ANXA6: variants seen among roughly 807,000 people sequenced by gnomAD.
The protein encoded by ANXA6 is annexin A6.
In ANXA6, 71 loss-of-function variants were observed where a neutral mutation model predicts 95.4. The observed-to-expected ratio is 0.74, with a 90% CI of 0.61 to 0.91. The LOEUF is 0.91. Among genes scored for constraint, ANXA6 ranks in the 40% least tolerant of loss-of-function variants. The pLI, the probability that ANXA6 is intolerant of heterozygous loss-of-function variation, is 0.00. For missense variants in ANXA6, 830 were observed against 876.4 expected (o/e 0.95, Z 0.67); for synonymous variants, 289 against 315.9 (o/e 0.91, Z 0.90).
In ANXA6 at chr5:151,128,237, A is replaced by G. The variant is rs770966043; in HGVS notation, c.921T>C (p.Asn307=). The G allele has an allele frequency of 1.2e-6, 2 of 1,610,186 alleles. No homozygotes were observed. The highest frequency in any genetic ancestry group is 1.7e-6 in the Non-Finnish European group (2 of 1,178,542). The change falls in exon 13 of 26, where the codon AAT becomes AAC. Residue 307 remains asparagine, a splice_region_variant and synonymous_variant. Coordinates refer to ENST00000354546, the MANE Select transcript of ANXA6 (RefSeq NM_001155.5). ...YEKSLYSMIK[N]DTSGEYKKTL... ...TCTTCTTGTACTCGCCAGAGGTGTC[A>G]TTCTGAAGAGAAAGAAAGAAAGGTT...
At chr5:151,138,601 G>A in intron 5 of ANXA6, 77 bp downstream of exon 5, 1 of 1,023,062 alleles carries the variant, frequency 9.8e-7, no homozygotes, top group Non-Finnish European at 1.5e-6. Context: ...GGGCTCACCA[G>A]TTGCTTTTGG....
intron 10 of ANXA6, among the ~76,000 whole-genome samples, chr5:151,131,806 C>G (rs1404195236): frequency 1.3e-5 from 2 of 152,128 alleles, no homozygotes; most frequent in East Asian, 3.9e-4. Context: ...CTCAGACATG[C>G]TAACTGCTGG....
intron 2 of ANXA6, among the ~76,000 whole-genome samples, chr5:151,142,911 T>C (rs1765875638): frequency 6.6e-6 from 1 of 152,202 alleles, no homozygotes; most frequent in South Asian, 2.1e-4. Context: ...CTCTGCAGGC[T>C]AGCCTGTTGC....
chr5:151,106,772 C>G (rs113330183), intron 23 of ANXA6, among the ~76,000 whole-genome samples: 1 of 152,174 alleles, frequency 6.6e-6, no homozygotes, highest in African/African-American at 2.4e-5. Flanking sequence ...CTAAGAAGCA[C>G]GCTGGGCAGA....
intron 17 of ANXA6, among the ~76,000 whole-genome samples, chr5:151,121,565 G>A (rs974590895): frequency 9.2e-5 from 14 of 152,188 alleles, no homozygotes; most frequent in African/African-American, 3.4e-4. Context: ...GGGCAGAGGT[G>A]ACCATTTCCA....
chr5:151,155,761 G>A (rs1435423708), intron 1 of ANXA6: 2 of 152,244 alleles, frequency 1.3e-5, no homozygotes, highest in East Asian at 3.9e-4. Flanking sequence ...CCAGTGGGGT[G>A]TCCTGGGTAT....
At chr5:151,117,304 G>T in intron 19 of ANXA6, 124 bp from the exon 20 acceptor site, 1 of 917,976 alleles carries the variant, frequency 1.1e-6, no homozygotes, top group Non-Finnish European at 1.6e-6. Flanking sequence ...ACACAGGGAC[G>T]AAAATCCTGC....
chr5:151,108,481 T>C lies in ANXA6; in HGVS notation c.1754A>G (p.Asp585Gly). The C allele has an allele frequency of 5.0e-6, 8 of 1,613,882 alleles. No homozygotes were observed. Among genetic ancestry groups the C allele is most frequent in the Non-Finnish European group, 6.8e-6 (8 of 1,179,836 alleles). ...EHTIKKEMSGDVRDAFVAIVQ... is the reference protein window; with the variant it reads ...EHTIKKEMSGGVRDAFVAIVQ... ...AATGGCCACAAATGCATCCCTGACA[T>C]CCCCAGACATCTCCTTCTTGATGGT... Residue 585 changes from aspartate (D) to glycine (G), a missense_variant, in exon 23 of 26, where the codon GAT (aspartate) becomes GGT (glycine). By Grantham distance (94) the Asp-to-Gly change is moderately conservative (BLOSUM62 -1). Transcript: ENST00000354546.
intron 6 of ANXA6, 161 bp downstream of exon 6, chr5:151,137,070 C>T (rs1765683873): frequency 1.5e-6 from 1 of 666,334 alleles, no homozygotes; most frequent in Non-Finnish European, 2.5e-6. Flanking sequence ...GCACATCACC[C>T]AGCACAGAGC....
At chr5:151,124,741 C>CA (rs900042440) in intron 14 of ANXA6, among the ~76,000 whole-genome samples, 38 of 152,304 alleles carry the variant, frequency 2.5e-4, no homozygotes, top group African/African-American at 9.1e-4. Flanking sequence ...TACCCTGCCC[C>CA]CGAGGCCCCC....
chr5:151,110,595 G>T, intron 21 of ANXA6, 32 bp downstream of exon 21: 4 of 1,611,764 alleles, frequency 2.5e-6, no homozygotes, highest in Non-Finnish European at 3.4e-6. Flanking sequence ...CTCAGAGGCC[G>T]TTAAAACCCA....
intron 1 of ANXA6, among the ~76,000 whole-genome samples, chr5:151,156,752 G>A (rs1432612006): frequency 1.3e-5 from 2 of 152,160 alleles, no homozygotes; most frequent in Non-Finnish European, 2.9e-5. Context: ...TACAAGGGTT[G>A]TGCCAGGCTT....
At chr5:151,149,673 G>A (rs1053719831) in intron 1 of ANXA6, among the ~76,000 whole-genome samples, 2 of 152,164 alleles carry the variant, frequency 1.3e-5, no homozygotes, top group African/African-American at 4.8e-5. Flanking sequence ...TTTTAGTAGA[G>A]ATGGGTTTCA....
At chr5:151,134,592 T>G (rs1765606111) in intron 7 of ANXA6, 109 bp from the exon 8 acceptor site, 1 of 1,099,688 alleles carries the variant, frequency 9.1e-7, no homozygotes. Flanking sequence ...GTGGCCCAGA[T>G]GTGTCCAGAA....
At chr5:151,152,470 C>T (rs1766131797) in intron 1 of ANXA6, among the ~76,000 whole-genome samples, 1 of 152,160 alleles carries the variant, frequency 6.6e-6, no homozygotes, top group Non-Finnish European at 1.5e-5. Flanking sequence ...GTTTCTTCAT[C>T]CTGAAATGAC....
intron 23 of ANXA6, among the ~76,000 whole-genome samples, chr5:151,106,154 C>G (rs1309054759): frequency 6.6e-6 from 1 of 152,126 alleles, no homozygotes; most frequent in East Asian, 1.9e-4. Flanking sequence ...AGCCCCTGCT[C>G]CCTACCCTGG....
rs371606582 is a variant in ANXA6, at chr5:151,109,374, T to C, written c.1684+379A>G. Among the ~76,000 whole-genome samples the C allele has an allele frequency of 2.6e-4, 39 of 152,286 alleles. No individual in the cohort carries two copies. In the East Asian group the frequency reaches 7.1e-3, roughly 28 times the overall value. On this transcript the variant is annotated intron_variant, in intron 22 of 25. Transcript: ENST00000354546. ...TTCAAAGATGTCTATGTGGGTCTTG[T>C]GCCACCACCACCTCTCGCTGCCTTG...
chr5:151,144,559 G>C (rs1448170320), intron 2 of ANXA6, among the ~76,000 whole-genome samples: 1 of 152,056 alleles, frequency 6.6e-6, no homozygotes, highest in African/African-American at 2.4e-5. Context: ...CAGGATGAAG[G>C]GCGGAGGATG....
At chr5:151,154,714 T>TA (rs764489536) in intron 1 of ANXA6, among the ~76,000 whole-genome samples, 22 of 152,162 alleles carry the variant, frequency 1.4e-4, no homozygotes, top group Non-Finnish European at 2.8e-4. Flanking sequence ...GAGCAGTGTC[T>TA]TTTCCTCTCC....
Sources: allele counts gnomAD v4.1 joint callset (sites outside exome capture counted in the v4.1 genomes callset), GRCh38; gene constraint gnomAD v4.1.1; transcripts MANE v1.5; gene names NCBI Gene and HGNC (gene_info 2026-07-23, HGNC 2026-07-21).